The following ZNF529 variants were observed in gnomAD, a reference collection of about 807,000 sequenced individuals.
ZNF529 encodes the protein zinc finger protein 529.
In ZNF529, 11 loss-of-function variants were observed where a neutral mutation model predicts 10.1. The observed-to-expected ratio is 1.09, with a 90% confidence interval of 0.69 to 1.81. The LOEUF is 1.81. Ranked by LOEUF, ZNF529 falls within the 40% of genes most tolerant of loss-of-function variation. The pLI is 0.00. For synonymous variants in ZNF529, 204 were observed against 215.7 expected, an observed-to-expected ratio of 0.95 and a Z score of 0.47; for missense variants, 624 against 666.8, an observed-to-expected ratio of 0.94 and a Z score of 0.71.
intron 2 of ZNF529, among the ~76,000 whole-genome samples, chr19:36,584,284 CAT>C (rs2036531432): frequency 6.6e-6 from 1 of 151,794 alleles, no homozygotes; most frequent in African/African-American, 2.4e-5. Flanking sequence ...AGGTTTTTTT[CAT>C]AGACTCACTG....
chr19:36,603,203 C>T (rs2036957221), intron 1 of ZNF529, among the ~76,000 whole-genome samples: 1 of 152,306 alleles, frequency 6.6e-6, no homozygotes, highest in Non-Finnish European at 1.5e-5. Flanking sequence ...TCTACCTAAG[C>T]AATTGGTCTC....
rs74655009 is a variant in ZNF529, at chr19:36,601,248, C to T, written c.-128+3878G>A. 2.4e-3 allele frequency among the ~76,000 whole-genome samples: 369 copies of T among 150,922 alleles called. 1 individual carries two copies. Among genetic ancestry groups the T allele is most frequent in the African/African-American group, 8.4e-3 (346 of 41,054 alleles). On this transcript the variant is annotated intron_variant, in intron 1 of 4. Transcript: ENST00000585960. ...CTCCCTGAGTAGCTGGGACTATAGA[C>T]GCCCACCACCACACCTGGCTAATTT...
At chr19:36,602,268 G>A (rs1243343924) in intron 1 of ZNF529, among the ~76,000 whole-genome samples, 2 of 151,006 alleles carry the variant, frequency 1.3e-5, no homozygotes, top group African/African-American at 2.4e-5. Flanking sequence ...GGCTGGTGTC[G>A]AACTCCCGAC....
chr19:36,599,790 G>A (rs574324652), intron 1 of ZNF529, among the ~76,000 whole-genome samples: 1 of 152,052 alleles, frequency 6.6e-6, no homozygotes, highest in African/African-American at 2.4e-5. Context: ...TGAGCAAACA[G>A]GCTGGCAAAA....
chr19:36,568,577 T>A (rs1042434328), intron 2 of ZNF529, among the ~76,000 whole-genome samples: 2 of 151,772 alleles, frequency 1.3e-5, no homozygotes, highest in Non-Finnish European at 2.9e-5. Context: ...GTTCAAGCAA[T>A]TCTCCTGCCT....
chr19:36,587,080 C>T (rs890878400), intron 2 of ZNF529, among the ~76,000 whole-genome samples: 4 of 152,004 alleles, frequency 2.6e-5, no homozygotes, highest in Non-Finnish European at 4.4e-5. Flanking sequence ...GCCTGGCCAA[C>T]ATGGTGAAAC....
At chr19:36,555,063 T>C (rs2035413512) in intron 3 of ZNF529, among the ~76,000 whole-genome samples, 1 of 152,154 alleles carries the variant, frequency 6.6e-6, no homozygotes, top group South Asian at 2.1e-4. Flanking sequence ...AGTTTACAAA[T>C]TAAAAGAAGT....
Position 36,548,212 on chromosome 19 carries a change from C to T in ZNF529, c.346G>A (p.Gly116Ser). ...TGCCAGTCATTTCTGAAAATGGAAC[C>T]TTCAAGGCCACATAACTTGCTACTT... ...MESSKLCGLE[G>S]SIFRNDWQSK... Residue 116 changes from glycine to serine, a missense_variant, in exon 5 of 5, where the codon GGT (glycine) becomes AGT (serine). Transcript: ENST00000591340. 1 of 1,613,832 alleles carries T rather than the reference C, an allele frequency of 6.2e-7. No individual in the cohort carries two copies.
chr19:36,586,990 C>T (rs941963792), intron 2 of ZNF529, among the ~76,000 whole-genome samples: 10 of 152,288 alleles, frequency 6.6e-5, no homozygotes, highest in South Asian at 4.1e-4. Context: ...AGTGGCTGGG[C>T]GTGGTGGCTC....
chr19:36,554,612 AAT>A, intron 4 of ZNF529, 56 bp downstream of exon 4: 1 of 1,368,384 alleles, frequency 7.3e-7, no homozygotes. Flanking sequence ...GAGTTCACTG[AAT>A]ATCAGTTGAT....
chr19:36,590,929 C>CAAAAAAAA (rs34193887), intron 1 of ZNF529, among the ~76,000 whole-genome samples: 1 of 105,994 alleles, frequency 9.4e-6, no homozygotes, highest in Non-Finnish European at 2.0e-5. Flanking sequence ...GACTCCGTCT[C>CAAAAAAAA]AAAAAAAAAA....
In ZNF529 at chr19:36,554,705, A is replaced by ACATC. The variant is rs770138101; in HGVS notation, c.196_199dup (p.Val67GlyfsTer20). On this transcript the variant is annotated frameshift_variant, in exon 4 of 5. Transcript: ENST00000591340. LOFTEE classifies it low-confidence loss of function (END_TRUNC). ...TAAGTTGCTGTAGTTCTCCATCATC[A>ACATC]CATCCCAGTACAAGTTCCTCTGAGC... 1 of 1,572,372 alleles carries ACATC rather than the reference A, an allele frequency of 6.4e-7. No homozygotes were observed. Among genetic ancestry groups the ACATC allele is most frequent in the Non-Finnish European group, 8.6e-7 (1 of 1,157,592 alleles).
At chr19:36,568,474 C>CTT (rs565480524) in intron 2 of ZNF529, among the ~76,000 whole-genome samples, 25 of 131,186 alleles carry the variant, frequency 1.9e-4, no homozygotes, top group South Asian at 2.7e-4. Flanking sequence ...GATTTTCTTT[C>CTT]TTTTTTTTTT....
In ZNF529 at chr19:36,556,043, G is replaced by A. The variant is rs1420783787; in HGVS notation, c.108+61C>T. 2.0e-6 allele frequency: 3 copies of A among 1,523,814 alleles called. No homozygotes were observed. The East Asian group carries it at 7.4e-5, about 37-fold the overall frequency. 94.4% of individuals were successfully genotyped at this position (1,523,814 alleles called of 1,614,324 possible). A position where few individuals can be genotyped will look rare whatever the true frequency, so the allele number is the denominator to read the frequency against. On this transcript the variant is annotated intron_variant, in intron 3 of 4. Transcript: ENST00000591340. The stretch of plus-strand genomic sequence containing the variant: ...GTGGTACAGGTTCTTTGACAGAGGT[G>A]TTTGGTAGGAAGAATCAGAAAAAGG...
At chr19:36,557,667 C>A (rs539644738) in intron 2 of ZNF529, among the ~76,000 whole-genome samples, 1 of 152,318 alleles carries the variant, frequency 6.6e-6, no homozygotes, top group East Asian at 1.9e-4. Flanking sequence ...ATATTACAGT[C>A]ACTAAGCAGG....
rs920106920 is a variant in ZNF529, at chr19:36,547,157, T to C, written c.1401A>G (p.Gln467=). 3 of 1,613,178 alleles carry C rather than the reference T, an allele frequency of 1.9e-6. No homozygotes were observed. The highest frequency in any genetic ancestry group is 2.2e-5 in the East Asian group (1 of 44,832). The change falls in exon 5 of 5, where the codon CAA becomes CAG. Residue 467 remains glutamine, a synonymous_variant. Coordinates refer to ENST00000591340, the MANE Select transcript of ZNF529 (RefSeq NM_020951.5). The stretch of plus-strand genomic sequence containing the variant: ...TCTCACCACTATGAATTCTTTGATG[T>C]TGAATAAGGGCTGACGTAAGTCTAA... ...KFFRLTSALI[Q]HQRIHSGEKP...
At chr19:36,562,881 G>T (rs942749335) in intron 2 of ZNF529, among the ~76,000 whole-genome samples, 2 of 151,480 alleles carry the variant, frequency 1.3e-5, no homozygotes, top group Non-Finnish European at 2.9e-5. Context: ...GTGATGAGGG[G>T]CTCCTCCCTT....
chr19:36,547,896 T>A lies in ZNF529; in HGVS notation c.662A>T (p.His221Leu). Residue 221 changes from histidine to leucine, a missense_variant, in exon 5 of 5, where the codon CAT (histidine) becomes CTT (leucine). By Grantham distance (99) the His-to-Leu change is moderately conservative. Coordinates refer to ENST00000591340, the MANE Select transcript of ZNF529 (RefSeq NM_020951.5). ...ATATTTACAAGGTTTCACACCAGTA[T>A]GAATATTCAGTTGTAACATACTGGA... is the stretch of plus-strand genomic sequence containing the variant. ...DNSSMLQLNI[H>L]TGVKPCKYME... The A allele has an allele frequency of 6.2e-7, 1 of 1,612,828 alleles. No homozygotes were observed. The highest frequency in any genetic ancestry group is 8.5e-7 in the Non-Finnish European group (1 of 1,179,224).
intron 1 of ZNF529, among the ~76,000 whole-genome samples, chr19:36,597,256 G>A (rs2036855522): frequency 6.6e-6 from 1 of 152,114 alleles, no homozygotes; most frequent in African/African-American, 2.4e-5. Flanking sequence ...TATGTTGGAG[G>A]TAAGTTCATC....
Sources: gnomAD v4.1 joint callset for allele counts (sites outside exome capture counted in the v4.1 genomes callset) on GRCh38, gnomAD v4.1.1 for gene constraint, MANE v1.5 for transcripts, NCBI Gene and HGNC (gene_info 2026-07-23, HGNC 2026-07-21) for gene names.